ADCY1: variants seen among roughly 807,000 people sequenced by gnomAD.
ADCY1 encodes the protein adenylate cyclase 1.
A neutral mutation model predicts 105.4 loss-of-function variants in ADCY1; 28 were observed. The ratio of observed to expected loss-of-function variants is 0.27; its 90% CI spans 0.20 to 0.36. The LOEUF is 0.36. ADCY1 is among the 10% of genes least tolerant of loss of function. ADCY1 has a pLI of 1.00. For synonymous variants in ADCY1, 655 were observed against 623.8 expected (o/e 1.05, Z -0.75); for missense variants, 977 against 1,434.2 (o/e 0.68, Z 5.15).
rs1785339312 is a variant in ADCY1, at chr7:45,715,193, G to A, written c.*1198G>A. The A allele has an allele frequency of 6.6e-6, 1 of 152,326 alleles. No individual in the cohort carries two copies. The highest frequency in any genetic ancestry group is 1.5e-5 in the Non-Finnish European group (1 of 68,128). 9.4% of individuals were successfully genotyped at this position (152,326 alleles called of 1,614,324 possible). A position where few individuals can be genotyped will look rare whatever the true frequency, so the allele number is the denominator to read the frequency against. On this transcript the variant is annotated 3_prime_UTR_variant, in exon 20 of 20. Transcript: ENST00000297323. ...AGGATGATGGGGACGGGGTCCAGGA[G>A]GGCCACTGGGAAGGCACTATCCAGA...
At chr7:45,689,697 G>C (rs897260815) in intron 14 of ADCY1, among the ~76,000 whole-genome samples, 5 of 152,190 alleles carry the variant, frequency 3.3e-5, no homozygotes, top group Non-Finnish European at 7.3e-5. Context: ...ATCAACATCT[G>C]AGTCTGACTT....
chr7:45,700,071 C>G (rs1784968691), intron 14 of ADCY1, among the ~76,000 whole-genome samples: 1 of 152,174 alleles, frequency 6.6e-6, no homozygotes, highest in Non-Finnish European at 1.5e-5. Context: ...CAGAGCCCTG[C>G]AGGGAGGAGA....
chr7:45,670,997 C>G (rs574338586), intron 8 of ADCY1, among the ~76,000 whole-genome samples: 1 of 152,346 alleles, frequency 6.6e-6, no homozygotes, highest in Admixed American at 6.5e-5. Context: ...CGGCAGGGAA[C>G]TCAAGTCAAG....
rs1233002105 is a variant in ADCY1 at position 45,716,907 on chromosome 7, G to GC, written c.*2914dup. The GC allele has an allele frequency of 1.2e-4, 18 of 152,394 alleles. No individual in the cohort carries two copies. The highest frequency in any genetic ancestry group is 4.1e-4 in the African/African-American group (17 of 41,460). The allele number at this position is 152,394 out of a possible 1,614,324, so 9.4% of individuals were successfully genotyped here. On this transcript the variant is annotated 3_prime_UTR_variant, in exon 20 of 20. Coordinates refer to ENST00000297323, the MANE Select transcript of ADCY1 (RefSeq NM_021116.4). ...CTGGCTTAAAGACAAGGGGCCAGGA[G>GC]CCAACACCAGAGGCCACTCCACAAC...
intron 2 of ADCY1, among the ~76,000 whole-genome samples, chr7:45,606,959 G>T (rs891095547): frequency 6.6e-6 from 1 of 150,602 alleles, no homozygotes; most frequent in Non-Finnish European, 1.5e-5. Flanking sequence ...GAGATTGGAT[G>T]TGAATTTCAC....
intron 14 of ADCY1, among the ~76,000 whole-genome samples, chr7:45,694,151 C>G (rs1357062773): frequency 1.4e-5 from 2 of 145,456 alleles, no homozygotes; most frequent in African/African-American, 2.5e-5. Context: ...TGTCAACCAA[C>G]TTGACTTAAT....
In ADCY1 at chr7:45,720,228, A is replaced by T. The variant is rs1785445262; in HGVS notation, c.*6233A>T. The T allele has an allele frequency of 6.6e-6, 1 of 152,132 alleles. No individual in the cohort carries two copies. Among genetic ancestry groups the T allele is most frequent in the African/African-American group, 2.4e-5 (1 of 41,374 alleles). 9.4% of individuals were successfully genotyped at this position (152,132 alleles called of 1,614,324 possible). A position where few individuals can be genotyped will look rare whatever the true frequency, so the allele number is the denominator to read the frequency against. Reference sequence around the variant, plus strand: ...AAAACATCTTTGAAATCAGGAAATCAGGCCGGGCGCAGTGGCTCATGCCTG... The same window carrying T: ...AAAACATCTTTGAAATCAGGAAATCTGGCCGGGCGCAGTGGCTCATGCCTG... On this transcript the variant is annotated 3_prime_UTR_variant, in exon 20 of 20. Transcript: ENST00000297323.
chr7:45,616,982 C>T (rs1793756037), intron 3 of ADCY1, among the ~76,000 whole-genome samples: 1 of 152,214 alleles, frequency 6.6e-6, no homozygotes, highest in Non-Finnish European at 1.5e-5. Flanking sequence ...CCTTGATCCT[C>T]CCAAGTTTTG....
intron 7 of ADCY1, among the ~76,000 whole-genome samples, chr7:45,661,010 G>C (rs1026444096): frequency 6.6e-6 from 1 of 151,764 alleles, no homozygotes; most frequent in African/African-American, 2.4e-5. Context: ...AGGGATTCAG[G>C]GCTCAGGTGA....
intron 14 of ADCY1, among the ~76,000 whole-genome samples, chr7:45,690,563 C>T (rs909370103): frequency 1.3e-5 from 2 of 152,256 alleles, no homozygotes; most frequent in Non-Finnish European, 2.9e-5. Context: ...AGGCCCAGGA[C>T]CCTGTTGGTA....
At chr7:45,585,072 A>G (rs996588036) in intron 1 of ADCY1, among the ~76,000 whole-genome samples, 3 of 152,370 alleles carry the variant, frequency 2.0e-5, no homozygotes, top group South Asian at 2.1e-4. Flanking sequence ...CTCAGTGGCA[A>G]TGCTCCCAGA....
intron 8 of ADCY1, among the ~76,000 whole-genome samples, chr7:45,674,596 A>T (rs1166707756): frequency 6.6e-6 from 1 of 151,084 alleles, no homozygotes; most frequent in African/African-American, 2.4e-5. Context: ...CTGGTCTTGA[A>T]CTCCTGACTT....
chr7:45,690,800 A>C (rs748349019), intron 14 of ADCY1, among the ~76,000 whole-genome samples: 1 of 152,240 alleles, frequency 6.6e-6, no homozygotes, highest in Non-Finnish European at 1.5e-5. Context: ...CTGGCTGGCT[A>C]TCCAGGGTGA....
At chr7:45,694,255 T>C (rs1784839139) in intron 14 of ADCY1, among the ~76,000 whole-genome samples, 1 of 152,012 alleles carries the variant, frequency 6.6e-6, no homozygotes, top group East Asian at 1.9e-4. Flanking sequence ...CTCAAGAAAT[T>C]CAAAAGGATT....
At chr7:45,694,321 A>G (rs1784840633) in intron 14 of ADCY1, among the ~76,000 whole-genome samples, 1 of 152,174 alleles carries the variant, frequency 6.6e-6, no homozygotes, top group African/African-American at 2.4e-5. Flanking sequence ...GAAGTCCATA[A>G]CAGAAAGATC....
intron 1 of ADCY1, among the ~76,000 whole-genome samples, chr7:45,579,602 A>G (rs1212798764): frequency 1.3e-5 from 2 of 152,132 alleles, no homozygotes; most frequent in African/African-American, 4.8e-5. Flanking sequence ...CACTGCCTAC[A>G]GCGACAGGGC....
chr7:45,654,646 A>G (rs917523168), intron 5 of ADCY1, among the ~76,000 whole-genome samples: 2 of 152,190 alleles, frequency 1.3e-5, no homozygotes, highest in African/African-American at 2.4e-5. Flanking sequence ...CAGCGCAGAG[A>G]AACTTGGAGG....
chr7:45,577,835 C>T (rs1792394894), intron 1 of ADCY1, among the ~76,000 whole-genome samples: 1 of 152,202 alleles, frequency 6.6e-6, no homozygotes, highest in African/African-American at 2.4e-5. Flanking sequence ...AAAGGAGCTC[C>T]CTCCCTTGAA....
rs747808945 is a variant in ADCY1, at chr7:45,677,938, A to G, written c.1675A>G (p.Thr559Ala). 19 of 1,614,150 alleles carry G rather than the reference A, an allele frequency of 1.2e-5. No individual in the cohort carries two copies. Among genetic ancestry groups the G allele is most frequent in the Admixed American group, 1.7e-5 (1 of 60,024 alleles). Residue 559 changes from threonine (T) to alanine (A), a missense_variant, in exon 9 of 20, where the codon ACC becomes GCC. Around this residue, in one of 7 missense-constraint regions of ADCY1, gnomAD observed 275 missense variants for 362.1 expected, o/e 0.76. Coordinates refer to ENST00000297323, the MANE Select transcript of ADCY1 (RefSeq NM_021116.4). ...ATCTTTTTCTACCAACGTTGTCTACACCACCCCGGGCACTCGCGTCAACAG... is the reference window on the plus strand; with the variant it reads ...ATCTTTTTCTACCAACGTTGTCTACGCCACCCCGGGCACTCGCGTCAACAG... ...RSSFSTNVVY[T>A]TPGTRVNRYI... is the part of the protein sequence containing the mutation.
Sources: allele counts gnomAD v4.1 joint callset (sites outside exome capture counted in the v4.1 genomes callset), GRCh38; gene constraint gnomAD v4.1.1; regional missense constraint gnomAD v4.1.1; transcripts MANE v1.5; gene names NCBI Gene and HGNC (gene_info 2026-07-23, HGNC 2026-07-21).